Variants in ZDHHC11 observed in about 807,000 individuals in gnomAD.
ZDHHC11 encodes the protein zDHHC palmitoyltransferase 11.
A neutral mutation model predicts 51.3 loss-of-function variants in ZDHHC11; 44 were observed. The observed-to-expected ratio is 0.86, with a 90% CI of 0.67 to 1.10. ZDHHC11 has a LOEUF of 1.10. Ranked by LOEUF, ZDHHC11 falls within the 50% of genes least tolerant of loss-of-function variation. The pLI is 0.00. For missense variants in ZDHHC11, 400 were observed against 537.7 expected (o/e 0.74, Z 2.53); for synonymous variants, 163 against 222.0 (o/e 0.73, Z 2.36).
upstream of ZDHHC11, among the ~76,000 whole-genome samples, chr5:854,081 C>A (rs560469984): frequency 3.1e-5 from 4 of 130,906 alleles, no homozygotes; most frequent in East Asian, 2.4e-4. Context: ...CCGAGGACAG[C>A]GAGCCGGGGG....
At chr5:802,868 A>C (rs1738657554) in intron 11 of ZDHHC11, among the ~76,000 whole-genome samples, 3 of 113,656 alleles carry the variant, frequency 2.6e-5, no homozygotes, top group African/African-American at 6.3e-5. Context: ...AAAAAAAAAA[A>C]AAAAAAGCTA....
chr5:847,945 A>C (rs1384049867), intron 2 of ZDHHC11, among the ~76,000 whole-genome samples: 2 of 151,776 alleles, frequency 1.3e-5, no homozygotes, highest in Non-Finnish European at 2.9e-5. Context: ...CCATGGTTCC[A>C]GGAGTTGAGG....
At chr5:809,694 G>GGCAACCAGAGGAGGCCATC (rs1739844823) in intron 11 of ZDHHC11, among the ~76,000 whole-genome samples, 1 of 122,232 alleles carries the variant, frequency 8.2e-6, no homozygotes, top group Non-Finnish European at 1.7e-5. Flanking sequence ...CTCTGGAATG[G>GGCAACCAGAGGAGGCCATC]TGAGAAATAC....
At chr5:847,841 C>T (rs1479472535) in intron 2 of ZDHHC11, 3 of 569,582 alleles carry the variant, frequency 5.3e-6, no homozygotes, top group Non-Finnish European at 9.1e-6. Flanking sequence ...GCAGGAGGAG[C>T]TGTGTCTTTG....
intron 11 of ZDHHC11, among the ~76,000 whole-genome samples, chr5:813,605 A>G (rs1330836685): frequency 6.7e-6 from 1 of 148,976 alleles, no homozygotes; most frequent in African/African-American, 2.5e-5. Context: ...ACTGGGCCCT[A>G]CCTGGTTTGG....
Position 819,660 on chromosome 5 carries a change from C to T in ZDHHC11, c.1059-48G>A, listed in dbSNP as rs192478547. The stretch of plus-strand genomic sequence containing the variant: ...AGAAACACACCACAGTTTTGTAGGG[C>T]GCTCAGGATGGCACTGGAGGCTACA... On this transcript the variant is annotated intron_variant, in intron 9 of 12. Transcript: ENST00000283441. 1,187 of 1,579,422 alleles carry T rather than the reference C, an allele frequency of 7.5e-4. 2 individuals carry two copies. The African/African-American group carries it at 0.01, about 14-fold the overall frequency.
intron 8 of ZDHHC11, chr5:823,415 A>G (rs1579636153): frequency 6.6e-6 from 1 of 151,402 alleles, no homozygotes; most frequent in East Asian, 1.9e-4. Context: ...TAAGCCAAAC[A>G]TTAGAAATGT....
rs539471877 is a variant in ZDHHC11, at chr5:818,322, T to TG, written c.1146+1202dup. Among the ~76,000 whole-genome samples, 9 of 151,756 alleles carry TG rather than the reference T, an allele frequency of 5.9e-5. No homozygotes were observed. In the South Asian group the frequency reaches 1.3e-3, roughly 21 times the overall value. On this transcript the variant is annotated intron_variant, in intron 10 of 12. Transcript: ENST00000283441. ...GTGGGTGAGTCTGGGCGGGGCAGGCTGGGGGCCCAATCGGTTTCCACTGAG... is the reference window on the plus strand; with the variant it reads ...GTGGGTGAGTCTGGGCGGGGCAGGCTGGGGGGCCCAATCGGTTTCCACTGAG...
Position 807,336 on chromosome 5 carries a change from T to C in ZDHHC11, c.1182-6172A>G, listed in dbSNP as rs1739412740. ...ATATACAACTATATCTATATAGATA[T>C]CTAAGGAACAAAATTTGAAGGAAAG... On this transcript the variant is annotated intron_variant, in intron 11 of 12. Coordinates refer to ENST00000283441, the MANE Select transcript of ZDHHC11 (RefSeq NM_024786.3). Among the ~76,000 whole-genome samples, 3 of 151,028 alleles carry C rather than the reference T, an allele frequency of 2.0e-5. 1 individual carries two copies. Among genetic ancestry groups the C allele is most frequent in the Non-Finnish European group, 3.0e-5 (2 of 67,658 alleles).
rs551473078 is a variant in ZDHHC11 at position 856,816 on chromosome 5, A to G, written c.-1+2058T>C. Among the ~76,000 whole-genome samples the G allele has an allele frequency of 1.3e-4, 19 of 150,512 alleles. No homozygotes were observed. The South Asian group carries it at 3.6e-3, about 29-fold the overall frequency. ...CCACACACAGAGCACACACACTTGC[A>G]CTACACACTGCACACCACACACACC... is the stretch of plus-strand genomic sequence containing the variant. On this transcript the variant is annotated intron_variant, in intron 1 of 3. Transcript: ENST00000685990.
rs374759924 is a variant in ZDHHC11 at position 837,512 on chromosome 5, T to C, written c.785-32A>G. The C allele has an allele frequency of 7.5e-6, 12 of 1,600,888 alleles. No homozygotes were observed. The East Asian group carries it at 1.6e-4, about 21-fold the overall frequency. ...AGGGAAAAGGAGGAACAGGACAAGATACCAGCCCTGCGGCTTTGCACGGCG... is the reference window on the plus strand; with the variant it reads ...AGGGAAAAGGAGGAACAGGACAAGACACCAGCCCTGCGGCTTTGCACGGCG... On this transcript the variant is annotated intron_variant, in intron 5 of 12. Transcript: ENST00000283441.
intron 1 of ZDHHC11, among the ~76,000 whole-genome samples, chr5:858,117 G>A (rs111861643): frequency 8.3e-4 from 93 of 111,822 alleles, no homozygotes; most frequent in Middle Eastern, 9.6e-3. Flanking sequence ...CCTGGTCCCC[G>A]TCCTATCTTT....
rs1236703278 is a variant in ZDHHC11, at chr5:850,430, C to T, written c.173G>A (p.Gly58Glu). ...VFVGLSSATF[G>E]IFIPFLPHAW... ...GTGAGGCAGGAAGGGAATGAAGATC[C>T]CGAAGGTGGCCGAGGAAAGGCCCAC... is the stretch of plus-strand genomic sequence containing the variant. The change falls in exon 1 of 13, where the codon GGG (glycine) becomes GAG (glutamate). Residue 58 changes from glycine (G) to glutamate (E), a missense_variant. By Grantham distance (98) the Gly-to-Glu change is moderately conservative. Transcript: ENST00000283441. The T allele has an allele frequency of 1.5e-5, 24 of 1,613,632 alleles. No individual in the cohort carries two copies. The highest frequency in any genetic ancestry group is 5.0e-5 in the Admixed American group (3 of 60,024).
chr5:859,762 C>T (rs920368611), upstream of ZDHHC11, among the ~76,000 whole-genome samples: 18 of 152,324 alleles, frequency 1.2e-4, no homozygotes, highest in African/African-American at 4.1e-4. Context: ...CTGAGAAGGG[C>T]CAGCAAGTGT....
chr5:843,932 AGGGGCG>A (rs1745603516), intron 3 of ZDHHC11, among the ~76,000 whole-genome samples: 1 of 83,088 alleles, frequency 1.2e-5, no homozygotes, highest in Non-Finnish European at 2.0e-5. Context: ...CATCTGAGGC[AGGGGCG>A]GGGGCATGCA....
At chr5:829,170 CAAACAAAA>C (rs1431143968) in intron 7 of ZDHHC11, among the ~76,000 whole-genome samples, 1 of 146,774 alleles carries the variant, frequency 6.8e-6, no homozygotes, top group Non-Finnish European at 1.5e-5. Flanking sequence ...AAATGAAATT[CAAACAAAA>C]AAACAAAAAA....
intron 10 of ZDHHC11, chr5:816,401 G>A: frequency 2.4e-6 from 1 of 418,682 alleles, no homozygotes; most frequent in South Asian, 1.8e-5. Flanking sequence ...CGGTGGTGGG[G>A]TTGGCGGGGG....
At chr5:809,187 A>G (rs1458931099) in intron 11 of ZDHHC11, among the ~76,000 whole-genome samples, 3 of 142,514 alleles carry the variant, frequency 2.1e-5, no homozygotes, top group East Asian at 2.0e-4. Context: ...ACCCCATCAC[A>G]TAACTGTCTG....
chr5:803,988 G>A (rs72491309), intron 11 of ZDHHC11, among the ~76,000 whole-genome samples: 12,205 of 149,146 alleles, frequency 0.082, 1,108 homozygotes, highest in African/African-American at 0.26. Context: ...GATGAACAGA[G>A]CTTGAAAGGT....
Sources: allele counts gnomAD v4.1 joint callset (sites outside exome capture counted in the v4.1 genomes callset), GRCh38; gene constraint gnomAD v4.1.1; transcripts MANE v1.5; gene names NCBI Gene and HGNC (gene_info 2026-07-23, HGNC 2026-07-21).